Variants in SLC25A25 observed in about 807,000 individuals in gnomAD.
SLC25A25 encodes the protein mitochondrial adenyl nucleotide antiporter SLC25A25.
A neutral mutation model predicts 57.7 loss-of-function variants in SLC25A25; 32 were observed. The ratio of observed to expected loss-of-function variants is 0.55; its 90% confidence interval spans 0.42 to 0.74. The LOEUF (loss-of-function observed/expected upper bound fraction) is 0.74. Ranked by LOEUF, SLC25A25 falls within the 30% of genes least tolerant of loss-of-function variation. The pLI is 0.00. For missense variants in SLC25A25, 556 were observed against 701.3 expected (o/e 0.79, Z 2.34); for synonymous variants, 306 against 291.2 (o/e 1.05, Z -0.52).
intron 1 of SLC25A25, among the ~76,000 whole-genome samples, chr9:128,075,908 T>C (rs1833001139): frequency 6.6e-6 from 1 of 152,214 alleles, no homozygotes; most frequent in Non-Finnish European, 1.5e-5. Flanking sequence ...AAGGGAATGA[T>C]AGAAACAAAT....
rs1168139417 is a variant in SLC25A25 at position 128,095,936 on chromosome 9, AT to A, written c.262-5155del. Among the ~76,000 whole-genome samples, 1 of 152,224 alleles carries A rather than the reference AT, an allele frequency of 6.6e-6. No individual in the cohort carries two copies. Among genetic ancestry groups the A allele is most frequent in the Non-Finnish European group, 1.5e-5 (1 of 68,036 alleles). The stretch of plus-strand genomic sequence containing the variant: ...TGGTACAGTAATATGTGCCATAATT[AT>A]TTTTAAAATATACTTTAATAGAAAG... On this transcript the variant is annotated intron_variant, in intron 1 of 10. Transcript: ENST00000373069. The surrounding 1 kb of genome is among the most constrained non-coding windows in gnomAD (Gnocchi z 4.4).
chr9:128,107,262 T>G lies in SLC25A25; in HGVS notation c.1366T>G (p.Ser456Ala), dbSNP rs1281625386. The stretch of plus-strand genomic sequence containing the variant: ...GACTGGTGGCCTCCATCCTGCAGCC[T>G]CTATTGAGGGCGCTCCGGAGGTGAC... ...LVRTRMQAQASIEGAPEVTMS... is the reference protein window; with the variant it reads ...LVRTRMQAQAAIEGAPEVTMS... Residue 456 changes from serine to alanine, a missense_variant and splice_region_variant, in exon 11 of 11, where the codon TCT (serine) becomes GCT (alanine). By Grantham distance (99) the Ser-to-Ala change is moderately conservative. Transcript: ENST00000373069. The G allele has an allele frequency of 6.2e-7, 1 of 1,606,158 alleles. No homozygotes were observed. The highest frequency in any genetic ancestry group is 1.7e-5 in the Admixed American group (1 of 59,754).
At position 128,105,845 on chromosome 9, in the gene SLC25A25, C is replaced by T. The variant is rs755929446; in HGVS notation, c.900C>T (p.Ala300=). ...RGNGINVLKI[A]PESAIKFMAY... is the part of the protein sequence containing the mutation. The stretch of plus-strand genomic sequence containing the variant: ...ATGGCATCAACGTCCTCAAAATTGC[C>T]CCCGAATCAGCCATCAAATTCATGG... The change falls in exon 7 of 11, where the codon GCC becomes GCT. Residue 300 remains alanine (A), a synonymous_variant. Transcript: ENST00000373069. The T allele has an allele frequency of 6.2e-7, 1 of 1,614,168 alleles. No homozygotes were observed. The highest frequency in any genetic ancestry group is 1.7e-5 in the Admixed American group (1 of 60,024).
intron 1 of SLC25A25, among the ~76,000 whole-genome samples, chr9:128,087,171 C>T (rs920932084): frequency 2.6e-5 from 4 of 151,466 alleles, no homozygotes; most frequent in African/African-American, 9.7e-5. Context: ...GCTGGGATCG[C>T]ACCATTGCAG....
intron 1 of SLC25A25, among the ~76,000 whole-genome samples, chr9:128,097,416 A>G (rs745531687): frequency 1.3e-4 from 20 of 152,252 alleles, no homozygotes; most frequent in South Asian, 2.1e-4. Flanking sequence ...TTGTAATTTC[A>G]TGTCATTTTA....
In SLC25A25 at chr9:128,083,676, A is replaced by ATTTTT. The variant is rs11367855; in HGVS notation, c.261+15107_261+15111dup. ...AGGCACCCAACACCACGCCCAGCGA[A>ATTTTT]TTTTTTTTTTTTTTTGTATTTTTAG... is the stretch of plus-strand genomic sequence containing the variant. On this transcript the variant is annotated intron_variant, in intron 1 of 10. Transcript: ENST00000373069. 6.0e-3 allele frequency among the ~76,000 whole-genome samples: 860 copies of ATTTTT among 143,206 alleles called. 26 individuals are homozygous for ATTTTT. The highest frequency in any genetic ancestry group is 0.047 in the East Asian group (230 of 4,902). 93.9% of individuals were successfully genotyped at this position (143,206 alleles called of 152,430 possible).
At chr9:128,076,798 C>A (rs1833025886) in intron 1 of SLC25A25, among the ~76,000 whole-genome samples, 3 of 152,148 alleles carry the variant, frequency 2.0e-5, no homozygotes, top group Admixed American at 2.0e-4. Context: ...ATTAATTATA[C>A]TAATGCGAAT....
intron 1 of SLC25A25, among the ~76,000 whole-genome samples, chr9:128,077,818 G>A (rs1833052315): frequency 6.6e-6 from 1 of 152,028 alleles, no homozygotes; most frequent in Non-Finnish European, 1.5e-5. Context: ...GGCTGGTCAG[G>A]AGTTCGAGAC....
At chr9:128,098,360 C>T in intron 1 of SLC25A25, 1 of 943,738 alleles carries the variant, frequency 1.1e-6, no homozygotes, top group Non-Finnish European at 1.4e-6. Flanking sequence ...ATGCCACCTT[C>T]TCCCCCGGGC....
At position 128,103,230 on chromosome 9, in the gene SLC25A25, G is replaced by A. The variant is rs115588628; in HGVS notation, c.625-451G>A. Reference sequence around the variant, plus strand: ...CGGATGTCACCCGGAGAAAGGTTACGCAGGCAGCGAGCCCTCGTGTTTGCT... The same window carrying A: ...CGGATGTCACCCGGAGAAAGGTTACACAGGCAGCGAGCCCTCGTGTTTGCT... On this transcript the variant is annotated intron_variant, in intron 5 of 10. Coordinates refer to ENST00000373069, the MANE Select transcript of SLC25A25 (RefSeq NM_001330988.2). The surrounding 1 kb of genome is among the most constrained non-coding windows in gnomAD (Gnocchi z 6.7). Among the ~76,000 whole-genome samples, 1,899 of 152,300 alleles carry A rather than the reference G, an allele frequency of 0.012. 46 individuals carry two copies. Among genetic ancestry groups the A allele is most frequent in the African/African-American group, 0.043 (1,789 of 41,550 alleles).
At chr9:128,096,731 A>G (rs1833569428) in intron 1 of SLC25A25, among the ~76,000 whole-genome samples, 1 of 152,216 alleles carries the variant, frequency 6.6e-6, no homozygotes, top group Non-Finnish European at 1.5e-5. Context: ...AGGAGGTCCA[A>G]GGGTTTGAAG....
chr9:128,102,143 C>T lies in SLC25A25; in HGVS notation c.512+28C>T. 1 of 1,550,360 alleles carries T rather than the reference C, an allele frequency of 6.5e-7. No homozygotes were observed. The highest frequency in any genetic ancestry group is 8.7e-7 in the Non-Finnish European group (1 of 1,146,764). ...AAGTATCCATGTCGCTCATGACTGC[C>T]TCCCTTGACTTCCATGCCTGATCAG... On this transcript the variant is annotated intron_variant, in intron 4 of 10. Transcript: ENST00000373069. This position sits in a 1 kb window ranked among gnomAD's most constrained non-coding sequence, Gnocchi z 4.1.
intron 1 of SLC25A25, chr9:128,098,244 C>T: frequency 4.3e-6 from 1 of 230,984 alleles, no homozygotes; most frequent in South Asian, 9.2e-5. Context: ...GTACCTGGTA[C>T]CCAGGCAGGC....
At position 128,101,823 on chromosome 9, in the gene SLC25A25, G is replaced by A. The variant is rs1019397407; in HGVS notation, c.477-257G>A. Among the ~76,000 whole-genome samples, 9 of 152,192 alleles carry A rather than the reference G, an allele frequency of 5.9e-5. No individual in the cohort carries two copies. Among genetic ancestry groups the A allele is most frequent in the Non-Finnish European group, 1.3e-4 (9 of 68,046 alleles). Reference sequence around the variant, plus strand: ...GCCCCAAAAGATAGCTCCCTGGTGCGGGGCGGCTGCCAGGAAATCTCATGG... The same window carrying A: ...GCCCCAAAAGATAGCTCCCTGGTGCAGGGCGGCTGCCAGGAAATCTCATGG... On this transcript the variant is annotated intron_variant, in intron 3 of 10. Coordinates refer to ENST00000373069, the MANE Select transcript of SLC25A25 (RefSeq NM_001330988.2). The surrounding 1 kb of genome is among the most constrained non-coding windows in gnomAD (Gnocchi z 4.9).
intron 1 of SLC25A25, among the ~76,000 whole-genome samples, chr9:128,082,542 A>G (rs1833177569): frequency 6.6e-6 from 1 of 152,236 alleles, no homozygotes; most frequent in Non-Finnish European, 1.5e-5. Context: ...ACTGCCATAT[A>G]TCAGTATATA....
chr9:128,098,528 C>G (rs367597539), intron 1 of SLC25A25: 2 of 1,575,842 alleles, frequency 1.3e-6, no homozygotes, highest in Non-Finnish European at 1.7e-6. Context: ...AACTTGCTCC[C>G]GGTGGTGAGG....
chr9:128,107,156 T>G lies in SLC25A25; in HGVS notation c.1340T>G (p.Val447Gly), dbSNP rs1834078013. 1 of 1,613,788 alleles carries G rather than the reference T, an allele frequency of 6.2e-7. No individual in the cohort carries two copies. The highest frequency in any genetic ancestry group is 1.3e-5 in the African/African-American group (1 of 74,906). ...CTGGCCAGCTACCCCCTGGCCCTAGTCAGGACCCGGATGCAGGCGCAAGGT... is the reference window on the plus strand; with the variant it reads ...CTGGCCAGCTACCCCCTGGCCCTAGGCAGGACCCGGATGCAGGCGCAAGGT... ...GQLASYPLAL[V>G]RTRMQAQASI... The change falls in exon 10 of 11, where the codon GTC becomes GGC. Residue 447 changes from valine to glycine, a missense_variant. Around this residue, in one of 3 missense-constraint regions of SLC25A25, gnomAD observed 294 missense variants for 389.6 expected, o/e 0.75. Transcript: ENST00000373069.
chr9:128,097,325 C>T (rs544195904), intron 1 of SLC25A25, among the ~76,000 whole-genome samples: 1 of 152,356 alleles, frequency 6.6e-6, no homozygotes, highest in South Asian at 2.1e-4. Context: ...AAGGGTCGTT[C>T]TCGAGCTGTG....
rs566269410 is a variant in SLC25A25 at position 128,108,250 on chromosome 9, C to T, written c.*806C>T. The T allele has an allele frequency of 3.3e-5, 13 of 399,104 alleles. No homozygotes were observed. The highest frequency in any genetic ancestry group is 1.3e-4 in the Admixed American group (3 of 22,720). 24.7% of individuals were successfully genotyped at this position (399,104 alleles called of 1,614,324 possible). A position where few individuals can be genotyped will look rare whatever the true frequency, so the allele number is the denominator to read the frequency against. On this transcript the variant is annotated 3_prime_UTR_variant, in exon 11 of 11. Transcript: ENST00000373069. ...GGCAGTGGAGCACCATGTTTGAGGG[C>T]GAAGGGCAGAGCGTTTGTGTGTTCT...
Sources: allele counts gnomAD v4.1 joint callset (sites outside exome capture counted in the v4.1 genomes callset), GRCh38; gene constraint gnomAD v4.1.1; regional missense constraint gnomAD v4.1.1; non-coding constraint Gnocchi (gnomAD v3.1); transcripts MANE v1.5; gene names NCBI Gene and HGNC (gene_info 2026-07-23, HGNC 2026-07-21).